CNBD1: variants seen among roughly 807,000 people sequenced by gnomAD.
The protein encoded by CNBD1 is cyclic nucleotide-binding domain-containing protein 1.
CNBD1 carries 71 observed loss-of-function variants against 54.4 expected under a neutral mutation model. That is an observed-to-expected ratio of 1.30 (90% confidence interval 1.08 to 1.59). The LOEUF (loss-of-function observed/expected upper bound fraction) is 1.59, where lower values mean the gene tolerates loss of function less well. CNBD1 is among the 40% of genes most tolerant of loss of function. The pLI is 0.00. For missense variants in CNBD1, 659 were observed against 518.0 expected (o/e 1.27, Z -2.64); for synonymous variants, 182 against 170.7 (o/e 1.07, Z -0.51).
At chr8:87,051,445 G>C in intron 4 of CNBD1, among the ~76,000 whole-genome samples, 1 of 152,148 alleles carries the variant, frequency 6.6e-6, no homozygotes, top group East Asian at 1.9e-4. Flanking sequence ...CACACACACA[G>C]AAATATAGAG....
intron 4 of CNBD1, among the ~76,000 whole-genome samples, chr8:87,032,255 T>G (rs1176802929): frequency 6.6e-6 from 1 of 152,192 alleles, no homozygotes; most frequent in Non-Finnish European, 1.5e-5. Flanking sequence ...TGACCACCTG[T>G]GCAGTTGAAA....
At chr8:86,942,955 A>C (rs1807370731) in intron 4 of CNBD1, among the ~76,000 whole-genome samples, 1 of 152,184 alleles carries the variant, frequency 6.6e-6, no homozygotes, top group South Asian at 2.1e-4. Context: ...AACCATGATC[A>C]GATTGACGGG....
chr8:87,149,903 C>T (rs1207534159), intron 4 of CNBD1, among the ~76,000 whole-genome samples: 7 of 151,996 alleles, frequency 4.6e-5, no homozygotes, highest in Admixed American at 1.3e-4. Flanking sequence ...AGGCTGGGTG[C>T]GGTGGCTCAC....
intron 8 of CNBD1, among the ~76,000 whole-genome samples, chr8:87,327,115 C>G (rs1204347978): frequency 1.4e-5 from 2 of 145,364 alleles, no homozygotes; most frequent in Admixed American, 1.4e-4. Context: ...TTAGGCTGCT[C>G]GGGGGTCAGG....
chr8:86,994,878 C>G (rs146924585), intron 4 of CNBD1, among the ~76,000 whole-genome samples: 1 of 152,064 alleles, frequency 6.6e-6, no homozygotes. Flanking sequence ...AAGCCACATG[C>G]TTTGATAAAG....
chr8:87,327,139 C>T lies in CNBD1; in HGVS notation c.1043-24546C>T, dbSNP rs1809689846. ...TCGGGGGTCAGGGGTCAGGGACCCACTTGAGGAGGCAGTCTGCCCGTTCTC... is the reference window on the plus strand; with the variant it reads ...TCGGGGGTCAGGGGTCAGGGACCCATTTGAGGAGGCAGTCTGCCCGTTCTC... On this transcript the variant is annotated intron_variant, in intron 8 of 10. Coordinates refer to ENST00000518476, the MANE Select transcript of CNBD1 (RefSeq NM_173538.3). 7.7e-5 allele frequency among the ~76,000 whole-genome samples: 11 copies of T among 143,118 alleles called. No homozygotes were observed. The South Asian group carries it at 2.5e-3, about 33-fold the overall frequency. The allele number at this position is 143,118 out of a possible 152,430, so 93.9% of individuals were successfully genotyped here.
intron 4 of CNBD1, among the ~76,000 whole-genome samples, chr8:87,041,754 A>G (rs1041677907): frequency 1.3e-5 from 2 of 152,072 alleles, no homozygotes; most frequent in Admixed American, 1.3e-4. Flanking sequence ...AGCCAAGATC[A>G]TGCCACTGCA....
At chr8:87,212,530 T>C (rs947840891) in intron 5 of CNBD1, among the ~76,000 whole-genome samples, 1 of 152,120 alleles carries the variant, frequency 6.6e-6, no homozygotes, top group East Asian at 1.9e-4. Context: ...ATGGAACAGA[T>C]TGAGTCCAGA....
intron 4 of CNBD1, among the ~76,000 whole-genome samples, chr8:87,168,085 C>A (rs1813003825): frequency 6.6e-6 from 1 of 151,864 alleles, no homozygotes; most frequent in South Asian, 2.1e-4. Flanking sequence ...ATATGTGTAT[C>A]CCATCATTGA....
chr8:87,208,496 C>T lies in CNBD1; in HGVS notation c.577+2358C>T, dbSNP rs138998436. On this transcript the variant is annotated intron_variant, in intron 5 of 10. Coordinates refer to ENST00000518476, the MANE Select transcript of CNBD1 (RefSeq NM_173538.3). ...AGTCATCTCTCTATATACATGTGTA[C>T]GTAGATATAATTTACTGAAGTCAAA... 4.3e-3 allele frequency among the ~76,000 whole-genome samples: 652 copies of T among 151,520 alleles called. 3 individuals carry two copies. Among genetic ancestry groups the T allele is most frequent in the African/African-American group, 0.015 (607 of 41,318 alleles).
At chr8:87,428,591 C>T (rs1032325222) in exon 3 of CNBD1, 15 of 454,818 alleles carry the variant, frequency 3.3e-5, no homozygotes, top group Non-Finnish European at 4.4e-5. Context: ...ACAGCTAAAC[C>T]AACTTTTGGC....
At chr8:86,890,251 C>A (rs1456710100) in intron 2 of CNBD1, among the ~76,000 whole-genome samples, 1 of 152,060 alleles carries the variant, frequency 6.6e-6, no homozygotes, top group Non-Finnish European at 1.5e-5. Context: ...ACATTCCTCC[C>A]CAGCAACCTG....
chr8:87,390,157 C>G (rs776411491), intron 2 of CNBD1, among the ~76,000 whole-genome samples: 1 of 151,968 alleles, frequency 6.6e-6, no homozygotes, highest in East Asian at 1.9e-4. Flanking sequence ...AGGAGAAAAC[C>G]TAGGCAATAC....
In CNBD1 at chr8:86,946,773, C is replaced by A. The variant is rs184004657; in HGVS notation, c.431+7019C>A. On this transcript the variant is annotated intron_variant, in intron 4 of 10. Transcript: ENST00000518476. Reference sequence around the variant, plus strand: ...TTGTAACAACTATCTGTTGAACTATCACAAAAATCCATGATTTCATTAAAA... The same window carrying A: ...TTGTAACAACTATCTGTTGAACTATAACAAAAATCCATGATTTCATTAAAA... 8.5e-5 allele frequency among the ~76,000 whole-genome samples: 13 copies of A among 152,218 alleles called. No homozygotes were observed. The East Asian group carries it at 2.5e-3, about 29-fold the overall frequency.
chr8:87,269,040 G>A (rs987827984), intron 6 of CNBD1, among the ~76,000 whole-genome samples: 1 of 151,982 alleles, frequency 6.6e-6, no homozygotes, highest in Non-Finnish European at 1.5e-5. Context: ...GTCCTCTAGG[G>A]TTTGTATTGT....
chr8:87,394,541 G>C (rs905319475), intron 2 of CNBD1, among the ~76,000 whole-genome samples: 1 of 151,840 alleles, frequency 6.6e-6, no homozygotes, highest in African/African-American at 2.4e-5. Flanking sequence ...GGTGAGAAAG[G>C]TTAGCACAAT....
intron 6 of CNBD1, among the ~76,000 whole-genome samples, chr8:87,279,731 T>C (rs890593790): frequency 4.6e-5 from 7 of 151,104 alleles, no homozygotes; most frequent in Non-Finnish European, 1.5e-5. Flanking sequence ...TTTATATATA[T>C]GTATAAATAT....
chr8:87,009,085 C>T (rs193087041), intron 4 of CNBD1, among the ~76,000 whole-genome samples: 105 of 151,792 alleles, frequency 6.9e-4, no homozygotes, highest in African/African-American at 1.7e-3. Context: ...CATTTTCTGG[C>T]GAGCTACATA....
intron 8 of CNBD1, among the ~76,000 whole-genome samples, chr8:87,331,362 T>G (rs557263934): frequency 2.0e-5 from 3 of 152,312 alleles, no homozygotes; most frequent in Admixed American, 2.0e-4. Context: ...GGCTTCCAGT[T>G]TCATCAAAGT....
Sources: gnomAD v4.1 joint callset for allele counts (sites outside exome capture counted in the v4.1 genomes callset) on GRCh38, gnomAD v4.1.1 for gene constraint, MANE v1.5 for transcripts, NCBI Gene and HGNC (gene_info 2026-07-23, HGNC 2026-07-21) for gene names.